The following NFE2L3 variants were observed in gnomAD, a reference collection of about 807,000 sequenced individuals.
NFE2L3 encodes the protein NFE2 like bZIP transcription factor 3.
Under a neutral mutation model 23.5 loss-of-function variants are expected in NFE2L3, and 18 were observed. That is an observed-to-expected ratio of 0.77 (90% CI 0.53 to 1.13). The LOEUF is 1.13. Among genes scored for constraint, NFE2L3 ranks in the 50% most tolerant of loss-of-function variants. NFE2L3 has a pLI of 0.00. For missense variants in NFE2L3, 1,152 were observed against 877.2 expected (o/e 1.31, Z -3.96); for synonymous variants, 424 against 354.5 (o/e 1.20, Z -2.20).
At chr7:26,184,093 T>C in intron 3 of NFE2L3, 1 of 397,082 alleles carries the variant, frequency 2.5e-6, no homozygotes, top group Admixed American at 4.2e-5. Context: ...CACCCCCATG[T>C]TTATTGCAGC....
Position 26,184,522 on chromosome 7 carries a change from T to C in NFE2L3, c.835-11T>C. The C allele has an allele frequency of 6.3e-7, 1 of 1,596,236 alleles. No homozygotes were observed. The highest frequency in any genetic ancestry group is 1.1e-5 in the South Asian group (1 of 88,256). ...TATTCATGTTTGAAGTGTTTCTCCT[T>C]CGTTTTTCAGGGCATCTCATTGGGA... On this transcript the variant is annotated splice_polypyrimidine_tract_variant and intron_variant, in intron 3 of 3. Transcript: ENST00000056233.
chr7:26,182,192 G>C (rs1018964988), intron 2 of NFE2L3, among the ~76,000 whole-genome samples: 1 of 152,108 alleles, frequency 6.6e-6, no homozygotes, highest in Non-Finnish European at 1.5e-5. Flanking sequence ...AATTACCTGA[G>C]ATAGAAAAGT....
intron 1 of NFE2L3, 61 bp downstream of exon 1, chr7:26,153,129 C>A: frequency 6.9e-7 from 1 of 1,455,476 alleles, no homozygotes; most frequent in Non-Finnish European, 9.0e-7. Flanking sequence ...GCCCCCGAGG[C>A]TTGTGTCGGA....
chr7:26,179,515 A>G (rs1186895323), intron 2 of NFE2L3, among the ~76,000 whole-genome samples: 4 of 151,510 alleles, frequency 2.6e-5, no homozygotes, highest in Non-Finnish European at 5.9e-5. Flanking sequence ...AAAAAAAAAA[A>G]AGTATAACCC....
At position 26,185,532 on chromosome 7, in the gene NFE2L3, A is replaced by G; in HGVS notation, c.1834A>G (p.Asn612Asp). ...TTTGAATTTAGAAGATGATGTATGT[A>G]ACTTGCAAGCAAAGAAGGAAACTCT... Reference protein sequence around the residue: ...IILNLEDDVCNLQAKKETLKR... With the variant: ...IILNLEDDVCDLQAKKETLKR... The change falls in exon 4 of 4, where the codon AAC (asparagine) becomes GAC (aspartate). Residue 612 changes from asparagine (N) to aspartate (D), a missense_variant. Transcript: ENST00000056233. 6.2e-7 allele frequency: 1 copy of G among 1,613,938 alleles called. No homozygotes were observed. The highest frequency in any genetic ancestry group is 8.5e-7 in the Non-Finnish European group (1 of 1,179,836).
rs187774601 is a variant in NFE2L3, at chr7:26,181,989, A to T, written c.751-1712A>T. Among the ~76,000 whole-genome samples, 23 of 152,300 alleles carry T rather than the reference A, an allele frequency of 1.5e-4. No individual in the cohort carries two copies. In the East Asian group the frequency reaches 3.9e-3, roughly 26 times the overall value. On this transcript the variant is annotated intron_variant, in intron 2 of 3. Transcript: ENST00000056233. ...ATGATAGAAGAGAAAAATCTAAGTT[A>T]CTTCTAATAGGAGTCCCAGAAGAAA...
At chr7:26,160,096 A>T (rs1219136760) in intron 1 of NFE2L3, among the ~76,000 whole-genome samples, 1 of 151,946 alleles carries the variant, frequency 6.6e-6, no homozygotes, top group Non-Finnish European at 1.5e-5. Flanking sequence ...TGGGATCACA[A>T]GCATGCACCA....
At chr7:26,162,142 CAAAA>C (rs35236023) in intron 1 of NFE2L3, among the ~76,000 whole-genome samples, 1 of 96,790 alleles carries the variant, frequency 1.0e-5, no homozygotes, top group Non-Finnish European at 2.3e-5. Flanking sequence ...GACTCCATCT[CAAAA>C]AAAAAAAAAA....
intron 1 of NFE2L3, among the ~76,000 whole-genome samples, chr7:26,161,295 G>C (rs1784165559): frequency 7.1e-6 from 1 of 141,540 alleles, no homozygotes; most frequent in Non-Finnish European, 1.5e-5. Flanking sequence ...TTCTGCTAAA[G>C]CTCAACCGCA....
chr7:26,177,954 AC>A lies in NFE2L3; in HGVS notation c.583del (p.Leu195Ter). On this transcript the variant is annotated frameshift_variant, in exon 2 of 4. Coordinates refer to ENST00000056233, the MANE Select transcript of NFE2L3 (RefSeq NM_004289.7). LOFTEE classifies it high-confidence loss of function. ...GGCASEENGV[L>X]REKHEAVDHS... Reference sequence around the variant, plus strand: ...TCGTACTTTTATAGGAGAATGGGGTACTAAGAGAAAAGCACGAAGCTGTGGA... The same window carrying A: ...TCGTACTTTTATAGGAGAATGGGGTATAAGAGAAAAGCACGAAGCTGTGGA... The A allele has an allele frequency of 1.2e-6, 2 of 1,612,608 alleles. No homozygotes were observed. The highest frequency in any genetic ancestry group is 2.2e-5 in the South Asian group (2 of 90,644).
intron 1 of NFE2L3, chr7:26,174,957 C>T (rs377716823): frequency 2.6e-5 from 4 of 152,114 alleles, no homozygotes; most frequent in Non-Finnish European, 4.4e-5. Context: ...TTATTTAGGT[C>T]TCCTTATTTA....
At chr7:26,178,816 T>C (rs1784459525) in intron 2 of NFE2L3, among the ~76,000 whole-genome samples, 1 of 152,148 alleles carries the variant, frequency 6.6e-6, no homozygotes, top group South Asian at 2.1e-4. Context: ...ACTCGAGATA[T>C]TTAATAACCA....
In NFE2L3 at chr7:26,185,824, G is replaced by C; in HGVS notation, c.*41G>C. 6.8e-7 allele frequency: 1 copy of C among 1,464,170 alleles called. No homozygotes were observed. The highest frequency in any genetic ancestry group is 2.3e-5 in the East Asian group (1 of 42,836). 90.7% of individuals were successfully genotyped at this position (1,464,170 alleles called of 1,614,324 possible). ...GGACTCTATTATGTGAAGTAGTAATGTTCAGAAACTGATTATTTGGATCAG... is the reference window on the plus strand; with the variant it reads ...GGACTCTATTATGTGAAGTAGTAATCTTCAGAAACTGATTATTTGGATCAG... On this transcript the variant is annotated 3_prime_UTR_variant, in exon 4 of 4. Transcript: ENST00000056233.
Position 26,185,738 on chromosome 7 carries a change from G to A in NFE2L3, c.2040G>A (p.Val680=), listed in dbSNP as rs1469158554. 2.5e-6 allele frequency: 4 copies of A among 1,588,202 alleles called. No individual in the cohort carries two copies. Among genetic ancestry groups the A allele is most frequent in the Non-Finnish European group, 2.6e-6 (3 of 1,173,666 alleles). The change falls in exon 4 of 4, where the codon GTG becomes GTA. Residue 680 remains valine (V), a synonymous_variant. Transcript: ENST00000056233. Reference sequence around the variant, plus strand: ...TCTTGATAGTACCCAAAGAACTGGTGGCCTCAGGCCACAAAAAGGAAACCC... The same window carrying A: ...TCTTGATAGTACCCAAAGAACTGGTAGCCTCAGGCCACAAAAAGGAAACCC... ...GSILIVPKEL[V]ASGHKKETQK...
rs1782466764 is a variant in NFE2L3 at position 26,185,710 on chromosome 7, G to GT, written c.2013dup (p.Ile672TyrfsTer28). ...GCTCTCCAGTGTACCCATGATGGAA[G>GT]TATCTTGATAGTACCCAAAGAACTG... On this transcript the variant is annotated frameshift_variant, in exon 4 of 4. Transcript: ENST00000056233. LOFTEE classifies it high-confidence loss of function. The GT allele has an allele frequency of 6.2e-7, 1 of 1,613,418 alleles. No homozygotes were observed. The highest frequency in any genetic ancestry group is 1.3e-5 in the African/African-American group (1 of 74,910).
intron 1 of NFE2L3, chr7:26,174,118 G>A (rs1784362862): frequency 6.6e-6 from 1 of 152,262 alleles, no homozygotes; most frequent in South Asian, 2.1e-4. Flanking sequence ...TGAGAACTGA[G>A]CCTTGGGACA....
chr7:26,166,063 T>C (rs1268606680), intron 1 of NFE2L3, among the ~76,000 whole-genome samples: 1 of 151,924 alleles, frequency 6.6e-6, no homozygotes, highest in Admixed American at 6.6e-5. Flanking sequence ...CTTTACTGGA[T>C]TTGTATGCAG....
At chr7:26,183,021 AGGCGATCTGCCTGCTTT>A (rs1782363979) in intron 2 of NFE2L3, among the ~76,000 whole-genome samples, 1 of 152,050 alleles carries the variant, frequency 6.6e-6, no homozygotes. Flanking sequence ...TCCTGGGCTC[AGGCGATCTGCCTGCTTT>A]GGCCTCCCAA....
At chr7:26,173,635 T>C (rs1784357469) in intron 1 of NFE2L3, 1 of 152,256 alleles carries the variant, frequency 6.6e-6, no homozygotes, top group Non-Finnish European at 1.5e-5. Context: ...AGTCACCTTT[T>C]CTTCCTTCCC....
Sources: allele counts gnomAD v4.1 joint callset (sites outside exome capture counted in the v4.1 genomes callset), GRCh38; gene constraint gnomAD v4.1.1; transcripts MANE v1.5; gene names NCBI Gene and HGNC (gene_info 2026-07-23, HGNC 2026-07-21).